Variants in EPB41 observed in about 807,000 individuals in gnomAD.
EPB41 encodes the protein protein 4.1.
In EPB41, 65 loss-of-function variants were observed where a neutral mutation model predicts 108.0. That is an observed-to-expected ratio of 0.60 (90% CI 0.49 to 0.74). The LOEUF is 0.74. Ranked by LOEUF, EPB41 falls within the 30% of genes least tolerant of loss-of-function variation. The pLI, the probability that EPB41 is intolerant of heterozygous loss-of-function variation, is 0.00. For missense variants in EPB41, 875 were observed against 1,037.0 expected (o/e 0.84, Z 2.15); for synonymous variants, 336 against 358.9 (o/e 0.94, Z 0.72).
rs185718906 is a variant in EPB41, at chr1:29,102,598, T to G, written c.2313+4663T>G. 4.5e-3 allele frequency among the ~76,000 whole-genome samples: 677 copies of G among 152,054 alleles called. 4 individuals are homozygous for G. The highest frequency in any genetic ancestry group is 0.016 in the African/African-American group (644 of 41,492). ...AAAAAATTTTATTTTATTATTATTA[T>G]TATTATTTAGAGACAGTCTTGCTCT... On this transcript the variant is annotated intron_variant, in intron 17 of 20. Coordinates refer to ENST00000343067, the MANE Select transcript of EPB41 (RefSeq NM_001376013.1).
chr1:29,012,415 A>G (rs999094218), intron 5 of EPB41, among the ~76,000 whole-genome samples: 1 of 152,234 alleles, frequency 6.6e-6, no homozygotes, highest in South Asian at 2.1e-4. Context: ...GAAGAAAAAA[A>G]GAATGGAAAG....
intron 10 of EPB41, 91 bp downstream of exon 10, chr1:29,036,014 C>A: frequency 2.2e-6 from 2 of 927,712 alleles, no homozygotes; most frequent in Non-Finnish European, 3.4e-6. Flanking sequence ...CATTGTATGA[C>A]TGGCACTCTT....
intron 1 of EPB41, among the ~76,000 whole-genome samples, chr1:28,946,191 A>C (rs1440630906): frequency 6.6e-6 from 1 of 151,162 alleles, no homozygotes; most frequent in Non-Finnish European, 1.5e-5. Context: ...AACATTGTCT[A>C]CTTCAACTTC....
chr1:29,109,040 A>G (rs1668251515), intron 17 of EPB41, among the ~76,000 whole-genome samples: 1 of 151,896 alleles, frequency 6.6e-6, no homozygotes, highest in African/African-American at 2.4e-5. Context: ...CTCTACTAAA[A>G]ATACAAAATT....
At chr1:29,107,590 G>A (rs1183206189) in intron 17 of EPB41, among the ~76,000 whole-genome samples, 1 of 152,006 alleles carries the variant, frequency 6.6e-6, no homozygotes, top group Non-Finnish European at 1.5e-5. Flanking sequence ...GTGGCTCAAA[G>A]AGCTGTAATC....
At chr1:29,039,561 C>A in intron 11 of EPB41, 135 bp downstream of exon 11, 3 of 1,178,346 alleles carry the variant, frequency 2.5e-6, no homozygotes, top group South Asian at 1.4e-5. Context: ...ACCTGTAATC[C>A]TAGCACTTTG....
intron 11 of EPB41, among the ~76,000 whole-genome samples, chr1:29,043,710 T>C (rs1046654246): frequency 1.3e-5 from 2 of 152,212 alleles, no homozygotes; most frequent in Non-Finnish European, 2.9e-5. Flanking sequence ...TCATTTGCAC[T>C]GGGAAGCTAT....
chr1:28,920,227 A>G (rs191351454), intron 1 of EPB41, among the ~76,000 whole-genome samples: 9 of 152,346 alleles, frequency 5.9e-5, no homozygotes, highest in African/African-American at 1.7e-4. Context: ...TCTATATTCA[A>G]TGTATATCTA....
chr1:29,104,027 TC>T (rs1405385731), intron 17 of EPB41, among the ~76,000 whole-genome samples: 1 of 152,188 alleles, frequency 6.6e-6, no homozygotes, highest in Admixed American at 6.5e-5. Flanking sequence ...GTGTTGACTT[TC>T]GAGTCAGAGT....
At chr1:28,942,392 A>T (rs1319391278) in intron 1 of EPB41, among the ~76,000 whole-genome samples, 1 of 151,470 alleles carries the variant, frequency 6.6e-6, no homozygotes, top group Admixed American at 6.6e-5. Flanking sequence ...GGTTCCCACA[A>T]CCCCCTCTTT....
At chr1:28,947,788 G>T (rs2094541841) in intron 1 of EPB41, among the ~76,000 whole-genome samples, 1 of 152,170 alleles carries the variant, frequency 6.6e-6, no homozygotes, top group African/African-American at 2.4e-5. Context: ...TTGCACTCCA[G>T]TCTGGGCAAC....
rs189152176 is a variant in EPB41 at position 29,036,912 on chromosome 1, C to T, written c.1463+989C>T. On this transcript the variant is annotated intron_variant, in intron 10 of 20. Coordinates refer to ENST00000343067, the MANE Select transcript of EPB41 (RefSeq NM_001376013.1). ...AGCCAGGATGATCTCGATCTCCTGA[C>T]CTCATGATCTGCCCACCTCGGCCTC... 5.4e-3 allele frequency among the ~76,000 whole-genome samples: 824 copies of T among 151,532 alleles called. 6 individuals are homozygous for T. The highest frequency in any genetic ancestry group is 8.5e-3 in the Non-Finnish European group (578 of 67,836).
Position 29,066,500 on chromosome 1 carries a change from A to G in EPB41, c.2184+1342A>G, listed in dbSNP as rs548374718. Among the ~76,000 whole-genome samples the G allele has an allele frequency of 2.6e-5, 4 of 152,342 alleles. No individual in the cohort carries two copies. In the South Asian group the frequency reaches 8.3e-4, roughly 32 times the overall value. On this transcript the variant is annotated intron_variant, in intron 16 of 20. Coordinates refer to ENST00000343067, the MANE Select transcript of EPB41 (RefSeq NM_001376013.1). ...TAATGAAAATATCTTGAAAGTTACC[A>G]TGAACATATACCCCAAAAGTTTTTA...
chr1:28,971,164 T>TTTTC (rs1557863968), intron 1 of EPB41, among the ~76,000 whole-genome samples: 15 of 143,450 alleles, frequency 1.0e-4, no homozygotes, highest in South Asian at 6.6e-4. Context: ...AATCTTTTTT[T>TTTTC]TTTCTTTCTT....
chr1:29,027,365 T>TTCG (rs1347147229), intron 7 of EPB41, among the ~76,000 whole-genome samples: 2 of 150,442 alleles, frequency 1.3e-5, no homozygotes, highest in Non-Finnish European at 2.9e-5. Flanking sequence ...TGGAGTTTCA[T>TTCG]TCGTTGCCCA....
intron 15 of EPB41, among the ~76,000 whole-genome samples, chr1:29,061,867 A>C (rs980097853): frequency 2.0e-5 from 3 of 152,148 alleles, no homozygotes; most frequent in Admixed American, 6.5e-5. Context: ...GGCATGAGCC[A>C]CTGGACCCAA....
intron 16 of EPB41, among the ~76,000 whole-genome samples, chr1:29,095,011 C>T (rs1453430480): frequency 1.3e-5 from 2 of 152,158 alleles, no homozygotes; most frequent in African/African-American, 4.8e-5. Context: ...AGTTGTTATA[C>T]TATATTCTTT....
intron 7 of EPB41, among the ~76,000 whole-genome samples, chr1:29,019,706 A>G (rs931921011): frequency 2.0e-5 from 3 of 152,164 alleles, no homozygotes; most frequent in Non-Finnish European, 2.9e-5. Context: ...CCATTGAGCC[A>G]TCTTGTTCTC....
At chr1:28,938,535 ATTT>A (rs35883902) in intron 1 of EPB41, among the ~76,000 whole-genome samples, 1 of 145,120 alleles carries the variant, frequency 6.9e-6, no homozygotes. Context: ...TGATTTTTGA[ATTT>A]TTTTTTTTTT....
Sources: gnomAD v4.1 joint callset for allele counts (sites outside exome capture counted in the v4.1 genomes callset) on GRCh38, gnomAD v4.1.1 for gene constraint, MANE v1.5 for transcripts, NCBI Gene and HGNC (gene_info 2026-07-23, HGNC 2026-07-21) for gene names.